HRH1: variants seen among roughly 807,000 people sequenced by gnomAD.
HRH1 encodes the protein histamine H1 receptor.
In HRH1, 6 loss-of-function variants were observed where a neutral mutation model predicts 10.3. The ratio of observed to expected loss-of-function variants is 0.58; its 90% CI spans 0.32 to 1.15. The LOEUF is 1.15. Among genes scored for constraint, HRH1 ranks in the 50% most tolerant of loss-of-function variants. The probability of loss-of-function intolerance (pLI) is 0.05; values close to 1 mark genes in which losing one functional copy is unlikely to be tolerated. For missense variants in HRH1, 514 were observed against 615.3 expected (o/e 0.84, Z 1.74); for synonymous variants, 242 against 236.7 (o/e 1.02, Z -0.21).
At chr3:11,139,648 A>G (rs1360151489) in intron 1 of HRH1, among the ~76,000 whole-genome samples, 1 of 152,198 alleles carries the variant, frequency 6.6e-6, no homozygotes, top group African/African-American at 2.4e-5. Context: ...AAATTGTGGA[A>G]TATTCACACA....
intron 1 of HRH1, among the ~76,000 whole-genome samples, chr3:11,198,620 C>T (rs1937766512): frequency 6.6e-6 from 1 of 151,548 alleles, no homozygotes; most frequent in Admixed American, 6.6e-5. Context: ...TCCCATAATC[C>T]CAGTGCTTTG....
At position 11,202,345 on chromosome 3, in the gene HRH1, C is replaced by T. The variant is rs188069286; in HGVS notation, c.-36+47791C>T. Among the ~76,000 whole-genome samples, 527 of 151,668 alleles carry T rather than the reference C, an allele frequency of 3.5e-3. 1 individual carries two copies. Among genetic ancestry groups the T allele is most frequent in the African/African-American group, 0.012 (500 of 41,286 alleles). ...ACTTGAACCCAAGAGGCAGAGGTTG[C>T]AGTGAGCCAAGATCACACCACTGCA... On this transcript the variant is annotated intron_variant, in intron 1 of 1. Transcript: ENST00000431010.
At chr3:11,200,036 C>G (rs1473861292) in intron 1 of HRH1, among the ~76,000 whole-genome samples, 4 of 152,130 alleles carry the variant, frequency 2.6e-5, no homozygotes, top group Non-Finnish European at 2.9e-5. Flanking sequence ...GTCCAGGTGC[C>G]TCTAGAAAAA....
At chr3:11,193,809 AG>A (rs2125022779) in intron 1 of HRH1, among the ~76,000 whole-genome samples, 1 of 152,312 alleles carries the variant, frequency 6.6e-6, no homozygotes, top group East Asian at 1.9e-4. Flanking sequence ...CTCTCGTGTA[AG>A]AGCACTAATC....
intron 1 of HRH1, among the ~76,000 whole-genome samples, chr3:11,181,988 C>A (rs1053598401): frequency 6.6e-6 from 1 of 151,402 alleles, no homozygotes; most frequent in African/African-American, 2.4e-5. Flanking sequence ...AAAATTCTTT[C>A]TTTTATGTTT....
intron 1 of HRH1, among the ~76,000 whole-genome samples, chr3:11,223,672 G>A (rs1301925438): frequency 1.3e-5 from 2 of 152,214 alleles, no homozygotes; most frequent in African/African-American, 4.8e-5. Flanking sequence ...TCCAGCTACA[G>A]CAGCAAGCTG....
rs563479266 is a variant in HRH1, at chr3:11,154,690, C to A, written c.-36+136C>A. 3.7e-4 allele frequency: 57 copies of A among 152,168 alleles called. No homozygotes were observed. Among genetic ancestry groups the A allele is most frequent in the African/African-American group, 1.3e-3 (55 of 41,550 alleles). The allele number at this position is 152,168 out of a possible 1,614,324, so 9.4% of individuals were successfully genotyped here. On this transcript the variant is annotated intron_variant, in intron 1 of 1. Transcript: ENST00000431010. This position sits in a 1 kb window ranked among gnomAD's most constrained non-coding sequence, Gnocchi z 4.4. ...CCCGGAGCCGCCCGCTTGAGAAGAG[C>A]GCGCTTGGGTACCCTCGCGACGCGG... is the stretch of plus-strand genomic sequence containing the variant.
At chr3:11,191,265 T>C (rs962561203) in intron 1 of HRH1, among the ~76,000 whole-genome samples, 1 of 152,180 alleles carries the variant, frequency 6.6e-6, no homozygotes, top group Non-Finnish European at 1.5e-5. Context: ...ATCCTGCTAC[T>C]AAAACCTGCA....
chr3:11,233,684 C>G (rs576964048), intron 1 of HRH1, among the ~76,000 whole-genome samples: 1 of 152,266 alleles, frequency 6.6e-6, no homozygotes, highest in South Asian at 2.1e-4. Flanking sequence ...ACACAGAAAA[C>G]CAGGAGCTCA....
At chr3:11,223,391 C>A (rs563255657) in intron 1 of HRH1, among the ~76,000 whole-genome samples, 1 of 151,554 alleles carries the variant, frequency 6.6e-6, no homozygotes, top group Non-Finnish European at 1.5e-5. Flanking sequence ...CCCAGCCACT[C>A]GAGAGGCTGA....
intron 1 of HRH1, among the ~76,000 whole-genome samples, chr3:11,192,351 C>T (rs575673370): frequency 2.7e-5 from 4 of 147,780 alleles, no homozygotes; most frequent in East Asian, 2.0e-4. Flanking sequence ...TGGTTTTTTT[C>T]GCTTTTAGCT....
intron 1 of HRH1, among the ~76,000 whole-genome samples, chr3:11,186,274 G>A (rs1421345389): frequency 6.6e-6 from 1 of 152,144 alleles, no homozygotes; most frequent in Non-Finnish European, 1.5e-5. Flanking sequence ...AAGCTATGCC[G>A]CTTGCTCCCT....
chr3:11,225,037 C>T (rs867575119), intron 1 of HRH1, among the ~76,000 whole-genome samples: 1 of 152,144 alleles, frequency 6.6e-6, no homozygotes, highest in Non-Finnish European at 1.5e-5. Context: ...ACTGCGGCTG[C>T]TAAGAGCCAC....
rs139704578 is a variant in HRH1, at chr3:11,259,937, C to A, written c.900C>A (p.Leu300=). 17 of 1,614,194 alleles carry A rather than the reference C, an allele frequency of 1.1e-5. No individual in the cohort carries two copies. The highest frequency in any genetic ancestry group is 1.7e-5 in the Admixed American group (1 of 60,020). Residue 300 remains leucine, a synonymous_variant, in exon 2 of 2, where the codon CTC becomes CTA. Coordinates refer to ENST00000431010, the MANE Select transcript of HRH1 (RefSeq NM_001098212.2). This position sits in a 1 kb window ranked among gnomAD's most constrained non-coding sequence, Gnocchi z 4.6. ...SQEDDREVDK[L]YCFPLDIVHM... is the part of the protein sequence containing the mutation. ...AGGATGATAGAGAAGTAGACAAACT[C>A]TACTGCTTTCCACTTGATATTGTGC...
At chr3:11,154,450 C>A, upstream of HRH1, 2 of 370 alleles carry the variant, frequency 5.4e-3, 1 homozygote. The surrounding 1 kb of genome is among the most constrained non-coding windows in gnomAD (Gnocchi z 4.4). Context: ...TCCGGCGCCC[C>A]GCTCCCCGAG....
intron 1 of HRH1, among the ~76,000 whole-genome samples, chr3:11,240,653 C>G (rs564115685): frequency 1.4e-3 from 185 of 133,662 alleles, no homozygotes; most frequent in African/African-American, 4.7e-3. Context: ...GCCAGAACTC[C>G]TCCAGATTCT....
intron 1 of HRH1, among the ~76,000 whole-genome samples, chr3:11,160,301 CT>C (rs1209838435): frequency 2.0e-5 from 3 of 152,192 alleles, no homozygotes; most frequent in African/African-American, 7.2e-5. Context: ...ATTTTCTCGG[CT>C]GGAATCTTGC....
intron 1 of HRH1, among the ~76,000 whole-genome samples, chr3:11,189,741 T>C (rs564744232): frequency 6.6e-6 from 1 of 151,062 alleles, no homozygotes; most frequent in South Asian, 2.1e-4. Context: ...CTGGCCAACA[T>C]AGCGAAACCC....
At chr3:11,181,739 C>T (rs1251175840) in intron 1 of HRH1, among the ~76,000 whole-genome samples, 2 of 146,662 alleles carry the variant, frequency 1.4e-5, no homozygotes, top group Non-Finnish European at 3.0e-5. Context: ...TTACAACATT[C>T]TCCTGCCTCA....
Sources: allele counts gnomAD v4.1 joint callset (sites outside exome capture counted in the v4.1 genomes callset), GRCh38; gene constraint gnomAD v4.1.1; non-coding constraint Gnocchi (gnomAD v3.1); transcripts MANE v1.5; gene names NCBI Gene and HGNC (gene_info 2026-07-23, HGNC 2026-07-21).